AKAP19: variants seen among roughly 807,000 people sequenced by gnomAD.
AKAP19 encodes the protein small A-kinase anchoring protein.
At chr2:189,921,787 G>C in the AKAP19 span, among the ~76,000 whole-genome samples, 2 of 152,132 alleles carry the variant, frequency 1.3e-5, no homozygotes, top group Admixed American at 1.3e-4. Flanking sequence ...AGTCAGGAAG[G>C]TGTGCAGACA....
chr2:190,148,953 CTTTTTTTTTTT>C, the AKAP19 span, among the ~76,000 whole-genome samples: 471 of 134,022 alleles, frequency 3.5e-3, 23 homozygotes, highest in African/African-American at 5.5e-3. Flanking sequence ...TCTTTTCTTT[CTTTTTTTTTTT>C]TTTTTTTTTT....
chr2:190,138,823 C>T, the AKAP19 span, among the ~76,000 whole-genome samples: 138,801 of 152,278 alleles, frequency 0.91, 64,158 homozygotes, highest in East Asian at 1. Flanking sequence ...GCCATTTTCA[C>T]GAGAAGACCC....
At chr2:190,070,671 T>C in the AKAP19 span, among the ~76,000 whole-genome samples, 1 of 145,404 alleles carries the variant, frequency 6.9e-6, no homozygotes, top group Admixed American at 7.0e-5. Context: ...AATATGTAAG[T>C]AAGACATTAC....
the AKAP19 span, among the ~76,000 whole-genome samples, chr2:190,006,365 T>C: frequency 6.6e-6 from 1 of 152,226 alleles, no homozygotes; most frequent in East Asian, 1.9e-4. Flanking sequence ...AAGCTAGTTA[T>C]GGTTGGGCGC....
At chr2:190,044,863 C>T in the AKAP19 span, among the ~76,000 whole-genome samples, 4 of 152,148 alleles carry the variant, frequency 2.6e-5, no homozygotes, top group South Asian at 2.1e-4. Flanking sequence ...GGTCTGTTGC[C>T]GGCCCAAAGG....
chr2:190,150,766 C>CT, the AKAP19 span, among the ~76,000 whole-genome samples: 30,178 of 144,192 alleles, frequency 0.21, 3,199 homozygotes, highest in Admixed American at 0.27. Flanking sequence ...TGATCTCCTG[C>CT]TTTTTTTTTT....
the AKAP19 span, among the ~76,000 whole-genome samples, chr2:189,892,781 C>G: frequency 6.6e-6 from 1 of 152,154 alleles, no homozygotes; most frequent in Admixed American, 6.5e-5. Context: ...ATCTGCTGCT[C>G]TCTTCAGAGC....
the AKAP19 span, among the ~76,000 whole-genome samples, chr2:190,077,128 A>AT: frequency 8.0e-4 from 121 of 150,480 alleles, no homozygotes; most frequent in Middle Eastern, 7.0e-3. Context: ...TATGTCTTCT[A>AT]TTTTTTTCCT....
chr2:190,116,680 G>A, the AKAP19 span, among the ~76,000 whole-genome samples: 2 of 152,130 alleles, frequency 1.3e-5, no homozygotes, highest in South Asian at 4.2e-4. Flanking sequence ...GCATGGCTCT[G>A]GGTTTTATAA....
At chr2:189,958,522 C>CATATATATATAT in the AKAP19 span, among the ~76,000 whole-genome samples, 60 of 143,738 alleles carry the variant, frequency 4.2e-4, no homozygotes, top group African/African-American at 1.5e-3. Context: ...ACACACATAA[C>CATATATATATAT]ATATATATAT....
At chr2:189,935,625 G>A in the AKAP19 span, among the ~76,000 whole-genome samples, 1 of 152,000 alleles carries the variant, frequency 6.6e-6, no homozygotes, top group African/African-American at 2.4e-5. Flanking sequence ...GTAACACAAA[G>A]CTATTTGTTA....
At chr2:190,148,553 A>T in the AKAP19 span, among the ~76,000 whole-genome samples, 2 of 152,124 alleles carry the variant, frequency 1.3e-5, no homozygotes, top group Non-Finnish European at 2.9e-5. Flanking sequence ...TTCTTTCTCT[A>T]TCTTGTGGAA....
chr2:190,126,161 C>T, the AKAP19 span, among the ~76,000 whole-genome samples: 1 of 150,830 alleles, frequency 6.6e-6, no homozygotes, highest in Admixed American at 6.6e-5. Flanking sequence ...CGTGGTGGAG[C>T]ACACCTGTAG....
the AKAP19 span, among the ~76,000 whole-genome samples, chr2:190,004,992 G>A: frequency 6.6e-6 from 1 of 152,288 alleles, no homozygotes; most frequent in African/African-American, 2.4e-5. Flanking sequence ...CTCACAGTGA[G>A]CATTACAGCT....
the AKAP19 span, among the ~76,000 whole-genome samples, chr2:189,943,909 C>T: frequency 2.6e-5 from 4 of 152,232 alleles, no homozygotes; most frequent in East Asian, 1.9e-4. Flanking sequence ...GGAATGTTTA[C>T]TCAGTGCTTA....
the AKAP19 span, among the ~76,000 whole-genome samples, chr2:190,137,344 A>G: frequency 9.9e-5 from 15 of 152,254 alleles, no homozygotes; most frequent in Admixed American, 2.6e-4. Flanking sequence ...TAAATGAATT[A>G]AATTGAATGG....
chr2:190,073,771 G>T, the AKAP19 span, among the ~76,000 whole-genome samples: 25 of 151,972 alleles, frequency 1.6e-4, no homozygotes, highest in Admixed American at 9.2e-4. Flanking sequence ...GCAGATATCG[G>T]CCGGGTGCGG....
chr2:190,096,735 T>C, the AKAP19 span, among the ~76,000 whole-genome samples: 2 of 152,226 alleles, frequency 1.3e-5, no homozygotes, highest in Non-Finnish European at 2.9e-5. Flanking sequence ...CTCACAGTTC[T>C]GGAGGCTGGG....
the AKAP19 span, among the ~76,000 whole-genome samples, chr2:189,952,857 T>A: frequency 6.6e-6 from 1 of 152,252 alleles, no homozygotes; most frequent in Non-Finnish European, 1.5e-5. Flanking sequence ...ACTATAATGA[T>A]CATGAATCTT....
Sources: allele counts gnomAD v4.1 joint callset (sites outside exome capture counted in the v4.1 genomes callset), GRCh38; gene constraint gnomAD v4.1.1; transcripts MANE v1.5; gene names NCBI Gene and HGNC (gene_info 2026-07-23, HGNC 2026-07-21).